Variants in CNTNAP5 observed in about 807,000 individuals in gnomAD.
The protein encoded by CNTNAP5 is contactin-associated protein-like 5.
CNTNAP5 carries 72 observed loss-of-function variants against 150.2 expected under a neutral mutation model. The ratio of observed to expected loss-of-function variants is 0.48; its 90% confidence interval spans 0.40 to 0.58. The LOEUF (loss-of-function observed/expected upper bound fraction) is 0.58. Ranked by LOEUF, CNTNAP5 falls within the 20% of genes least tolerant of loss-of-function variation. The pLI is 0.00. For synonymous variants in CNTNAP5, 672 were observed against 619.8 expected, an observed-to-expected ratio of 1.08 and a Z score of -1.25; for missense variants, 1,636 against 1,626.2, an observed-to-expected ratio of 1.01 and a Z score of -0.10.
chr2:124,773,982 G>C (rs1223524081), intron 17 of CNTNAP5, among the ~76,000 whole-genome samples: 4 of 151,704 alleles, frequency 2.6e-5, no homozygotes, highest in Admixed American at 2.0e-4. Flanking sequence ...CTAATACAGG[G>C]TGAGCCTTAT....
chr2:124,913,704 A>G (rs181832199), intron 23 of CNTNAP5, among the ~76,000 whole-genome samples: 3 of 152,216 alleles, frequency 2.0e-5, no homozygotes, highest in Admixed American at 6.6e-5. Context: ...ACTCTGAAAT[A>G]CTTAGTTGTG....
rs1430871853 is a variant in CNTNAP5 at position 124,025,421 on chromosome 2, C to T, written c.-230C>T. ...GAAGAGGCGGGCGAGGAAGGCGAGTCCAGCTAGCGGCTGTTGCGGGGACCG... is the reference window on the plus strand; with the variant it reads ...GAAGAGGCGGGCGAGGAAGGCGAGTTCAGCTAGCGGCTGTTGCGGGGACCG... On this transcript the variant is annotated 5_prime_UTR_variant, in exon 1 of 24. Transcript: ENST00000682447. The T allele has an allele frequency of 3.5e-6, 2 of 571,516 alleles. No individual in the cohort carries two copies. The highest frequency in any genetic ancestry group is 6.3e-6 in the Non-Finnish European group (2 of 318,794). The allele number at this position is 571,516 out of a possible 1,614,324, so 35.4% of individuals were successfully genotyped here.
intron 7 of CNTNAP5, among the ~76,000 whole-genome samples, chr2:124,475,605 G>T (rs1207197864): frequency 1.3e-5 from 2 of 151,994 alleles, no homozygotes; most frequent in East Asian, 3.9e-4. Context: ...AGTATGCTAT[G>T]TATTCTGGTG....
chr2:124,739,778 T>C (rs1328210401), intron 13 of CNTNAP5, among the ~76,000 whole-genome samples: 3 of 152,298 alleles, frequency 2.0e-5, no homozygotes, highest in Admixed American at 6.5e-5. Flanking sequence ...TCTGCTCAAA[T>C]GCCATCATTT....
intron 1 of CNTNAP5, among the ~76,000 whole-genome samples, chr2:124,172,655 C>T (rs1345856447): frequency 6.6e-6 from 1 of 152,150 alleles, no homozygotes; most frequent in Non-Finnish European, 1.5e-5. Context: ...CTCTAGCAAT[C>T]TGTCCTTCTT....
chr2:124,234,113 G>A (rs974783130), intron 2 of CNTNAP5, among the ~76,000 whole-genome samples: 4 of 152,052 alleles, frequency 2.6e-5, no homozygotes, highest in Admixed American at 1.3e-4. Context: ...TCTTGGGAGA[G>A]TAATTTTTTT....
At chr2:124,194,845 G>A (rs528695993) in intron 1 of CNTNAP5, among the ~76,000 whole-genome samples, 15 of 151,590 alleles carry the variant, frequency 9.9e-5, no homozygotes, top group Non-Finnish European at 1.9e-4. Flanking sequence ...CTAAAAAAAC[G>A]TTTCTTTTGA....
intron 7 of CNTNAP5, among the ~76,000 whole-genome samples, chr2:124,502,560 A>G (rs1558929858): frequency 6.6e-6 from 1 of 152,216 alleles, no homozygotes; most frequent in Non-Finnish European, 1.5e-5. Context: ...TTGTTTTTAC[A>G]AAAATGATAC....
chr2:124,816,054 G>C lies in CNTNAP5; in HGVS notation c.3217+17734G>C, dbSNP rs74588899. Among the ~76,000 whole-genome samples, 522 of 152,252 alleles carry C rather than the reference G, an allele frequency of 3.4e-3. 7 individuals are homozygous for C. In the East Asian group the frequency reaches 0.053, roughly 15 times the overall value. Reference sequence around the variant, plus strand: ...GAAAGAATATTTAAGTGTTTATAGGGGTCTGTGTCTTACCGTTAGCAATAT... The same window carrying C: ...GAAAGAATATTTAAGTGTTTATAGGCGTCTGTGTCTTACCGTTAGCAATAT... On this transcript the variant is annotated intron_variant, in intron 19 of 23. Coordinates refer to ENST00000682447, the MANE Select transcript of CNTNAP5 (RefSeq NM_001367498.1).
intron 13 of CNTNAP5, among the ~76,000 whole-genome samples, chr2:124,664,898 G>T (rs757367705): frequency 1.3e-5 from 2 of 152,184 alleles, no homozygotes; most frequent in Non-Finnish European, 2.9e-5. Flanking sequence ...TGTTGGCCAG[G>T]CTGGTCTCGA....
chr2:124,403,524 G>A (rs1013967760), intron 3 of CNTNAP5, among the ~76,000 whole-genome samples: 1 of 152,174 alleles, frequency 6.6e-6, no homozygotes, highest in African/African-American at 2.4e-5. Flanking sequence ...GCATTAAGAT[G>A]CTGTTTGTAA....
chr2:124,523,604 C>A (rs765288771), intron 8 of CNTNAP5, among the ~76,000 whole-genome samples: 4 of 152,188 alleles, frequency 2.6e-5, no homozygotes, highest in Non-Finnish European at 4.4e-5. Context: ...AAAGCACCCA[C>A]CTTTCTCCCA....
intron 2 of CNTNAP5, among the ~76,000 whole-genome samples, chr2:124,229,261 C>CTT (rs1435322656): frequency 6.6e-6 from 1 of 152,130 alleles, no homozygotes; most frequent in Non-Finnish European, 1.5e-5. Flanking sequence ...CCATCAATAA[C>CTT]AAACTAATTT....
chr2:124,410,025 G>A (rs1691704508), intron 3 of CNTNAP5, among the ~76,000 whole-genome samples: 1 of 151,686 alleles, frequency 6.6e-6, no homozygotes, highest in Admixed American at 6.6e-5. Flanking sequence ...AAAATAAAAG[G>A]ATGGAGGAAG....
At chr2:124,043,031 T>C (rs1336924263) in intron 1 of CNTNAP5, among the ~76,000 whole-genome samples, 1 of 152,182 alleles carries the variant, frequency 6.6e-6, no homozygotes, top group African/African-American at 2.4e-5. Context: ...ATTCAATTTT[T>C]AACATCAATT....
intron 13 of CNTNAP5, among the ~76,000 whole-genome samples, chr2:124,652,231 C>T (rs2105032510): frequency 6.6e-6 from 1 of 152,344 alleles, no homozygotes; most frequent in East Asian, 1.9e-4. Context: ...TTGTGATTCT[C>T]ATGGATCTTT....
At chr2:124,634,156 G>A (rs1677924094) in intron 12 of CNTNAP5, among the ~76,000 whole-genome samples, 1 of 152,142 alleles carries the variant, frequency 6.6e-6, no homozygotes. Context: ...CTGAAAGTGG[G>A]CTTTTCTTTT....
intron 13 of CNTNAP5, among the ~76,000 whole-genome samples, chr2:124,723,866 C>A (rs901057564): frequency 6.6e-6 from 1 of 152,074 alleles, no homozygotes; most frequent in African/African-American, 2.4e-5. Context: ...TATCTTTAGG[C>A]CGGGTGCAGT....
chr2:124,825,055 G>T (rs1248757229), intron 19 of CNTNAP5, among the ~76,000 whole-genome samples: 1 of 152,092 alleles, frequency 6.6e-6, no homozygotes, highest in Non-Finnish European at 1.5e-5. Flanking sequence ...AAAAATAAGA[G>T]AATGGTCAAT....
Sources: gnomAD v4.1 joint callset for allele counts (sites outside exome capture counted in the v4.1 genomes callset) on GRCh38, gnomAD v4.1.1 for gene constraint, MANE v1.5 for transcripts, NCBI Gene and HGNC (gene_info 2026-07-23, HGNC 2026-07-21) for gene names.